The following EBF2 variants were observed in gnomAD, a reference collection of about 807,000 sequenced individuals.
EBF2 encodes the protein transcription factor COE2.
A neutral mutation model predicts 72.8 loss-of-function variants in EBF2; 21 were observed. The observed-to-expected ratio is 0.29, with a 90% confidence interval of 0.20 to 0.42. The LOEUF (loss-of-function observed/expected upper bound fraction) is 0.42, where lower values mean the gene tolerates loss of function less well. EBF2 is among the 10% of genes least tolerant of loss of function. The pLI, the probability that EBF2 is intolerant of heterozygous loss-of-function variation, is 1.00. For missense variants in EBF2, 637 were observed against 731.2 expected (o/e 0.87, Z 1.49); for synonymous variants, 299 against 274.2 (o/e 1.09, Z -0.89).
At chr8:25,945,369 A>C (rs1803749912) in intron 6 of EBF2, among the ~76,000 whole-genome samples, 1 of 152,124 alleles carries the variant, frequency 6.6e-6, no homozygotes, top group Admixed American at 6.5e-5. Flanking sequence ...CTCCGTGGGT[A>C]GCTGGGCTAA....
At chr8:25,998,130 C>T (rs1357374119) in intron 6 of EBF2, among the ~76,000 whole-genome samples, 1 of 152,112 alleles carries the variant, frequency 6.6e-6, no homozygotes, top group African/African-American at 2.4e-5. Context: ...AGGCCTTCTT[C>T]CCCATCCCTC....
chr8:26,011,576 A>G (rs1805022841), intron 6 of EBF2, among the ~76,000 whole-genome samples: 1 of 152,102 alleles, frequency 6.6e-6, no homozygotes, highest in Non-Finnish European at 1.5e-5. Flanking sequence ...TGTCAAAGCC[A>G]GAGAGACATC....
At chr8:25,950,286 T>C (rs888523023) in intron 6 of EBF2, among the ~76,000 whole-genome samples, 1 of 152,236 alleles carries the variant, frequency 6.6e-6, no homozygotes. Flanking sequence ...ACAAGATGGC[T>C]ACCATTACTG....
intron 6 of EBF2, among the ~76,000 whole-genome samples, chr8:25,958,832 C>T (rs908784691): frequency 2.0e-5 from 3 of 152,198 alleles, no homozygotes; most frequent in African/African-American, 7.2e-5. Context: ...CATATGGTGA[C>T]CCAGTAGGTC....
At chr8:25,932,824 A>G (rs1423635272) in intron 6 of EBF2, among the ~76,000 whole-genome samples, 1 of 152,202 alleles carries the variant, frequency 6.6e-6, no homozygotes, top group African/African-American at 2.4e-5. Context: ...TACTGCCAGA[A>G]TCTACTGGCA....
chr8:25,854,238 C>CAAAAAAAA (rs372818134), intron 14 of EBF2, among the ~76,000 whole-genome samples: 1 of 137,450 alleles, frequency 7.3e-6, no homozygotes, highest in African/African-American at 2.6e-5. Flanking sequence ...CCCCCACCTC[C>CAAAAAAAA]AAAAAAAAAA....
chr8:25,975,759 ACT>A (rs1373864325), intron 6 of EBF2, among the ~76,000 whole-genome samples: 1 of 152,138 alleles, frequency 6.6e-6, no homozygotes, highest in African/African-American at 2.4e-5. Context: ...TTCTACAGTA[ACT>A]CTACAGTATC....
chr8:25,850,993 A>G (rs4336620), intron 14 of EBF2, among the ~76,000 whole-genome samples: 73,291 of 151,754 alleles, frequency 0.48, 18,863 homozygotes, highest in African/African-American at 0.65. Flanking sequence ...CCAATGCCCA[A>G]GAGATGCAGA....
chr8:25,871,766 G>T (rs1802442996), intron 10 of EBF2, among the ~76,000 whole-genome samples: 1 of 152,106 alleles, frequency 6.6e-6, no homozygotes, highest in Admixed American at 6.5e-5. Flanking sequence ...TCAATACCTT[G>T]AGATTTCATA....
rs118074654 is a variant in EBF2 at position 25,973,027 on chromosome 8, C to T, written c.551+60058G>A. Among the ~76,000 whole-genome samples, 286 of 152,014 alleles carry T rather than the reference C, an allele frequency of 1.9e-3. 5 individuals carry two copies. The East Asian group carries it at 0.037, about 20-fold the overall frequency. ...TCCTCTGCAGGTTCTACCCTGGGCT[C>T]TAGCTGGACTGCACATTTTTGTATT... On this transcript the variant is annotated intron_variant, in intron 6 of 15. Coordinates refer to ENST00000520164, the MANE Select transcript of EBF2 (RefSeq NM_022659.4).
rs141791065 is a variant in EBF2 at position 25,856,193 on chromosome 8, C to T, written c.1528+2126G>A. ...CTCCATCCTCTTCACTACCACACTA[C>T]ATACTGTATTATAAAATTGATCATT... is the stretch of plus-strand genomic sequence containing the variant. On this transcript the variant is annotated intron_variant, in intron 14 of 15. Coordinates refer to ENST00000520164, the MANE Select transcript of EBF2 (RefSeq NM_022659.4). 8.1e-4 allele frequency among the ~76,000 whole-genome samples: 123 copies of T among 152,232 alleles called. 2 individuals carry two copies. The highest frequency in any genetic ancestry group is 2.9e-3 in the African/African-American group (120 of 41,540).
Position 25,876,871 on chromosome 8 carries a change from G to A in EBF2, c.1009+9884C>T, listed in dbSNP as rs1193648586. 3.3e-5 allele frequency among the ~76,000 whole-genome samples: 5 copies of A among 152,134 alleles called. No homozygotes were observed. In the South Asian group the frequency reaches 6.2e-4, roughly 19 times the overall value. ...ATCACAGATAAAGGTGGTGATACTCGGAGCCTGTAGGACAGAGCCTTGCCT... is the reference window on the plus strand; with the variant it reads ...ATCACAGATAAAGGTGGTGATACTCAGAGCCTGTAGGACAGAGCCTTGCCT... On this transcript the variant is annotated intron_variant, in intron 10 of 15. Transcript: ENST00000520164.
chr8:25,959,458 G>T (rs957252901), intron 6 of EBF2, among the ~76,000 whole-genome samples: 1 of 152,226 alleles, frequency 6.6e-6, no homozygotes, highest in African/African-American at 2.4e-5. Flanking sequence ...ACCTGCCTCA[G>T]CCTCCCAAAG....
chr8:25,901,134 T>A (rs1802945045), intron 7 of EBF2, among the ~76,000 whole-genome samples: 2 of 152,132 alleles, frequency 1.3e-5, no homozygotes, highest in Non-Finnish European at 2.9e-5. Flanking sequence ...AAAAAAAATT[T>A]AGGCTGGGTG....
At chr8:26,018,445 G>A (rs1212629904) in intron 6 of EBF2, among the ~76,000 whole-genome samples, 3 of 138,368 alleles carry the variant, frequency 2.2e-5, no homozygotes, top group Admixed American at 8.1e-5. Context: ...GAGGTCAGGA[G>A]ATCGAGACCA....
intron 6 of EBF2, among the ~76,000 whole-genome samples, chr8:25,927,071 C>T (rs890282552): frequency 1.9e-4 from 29 of 152,246 alleles, no homozygotes; most frequent in African/African-American, 5.8e-4. Context: ...CATCTACAAA[C>T]TGGTTGACTC....
chr8:25,938,656 C>T (rs534678270), intron 6 of EBF2, among the ~76,000 whole-genome samples: 2 of 152,094 alleles, frequency 1.3e-5, no homozygotes, highest in Admixed American at 1.3e-4. Context: ...TTAGGGTGTC[C>T]GTCTTCCGGG....
chr8:25,888,913 G>A (rs1196662832), intron 8 of EBF2, among the ~76,000 whole-genome samples: 1 of 152,072 alleles, frequency 6.6e-6, no homozygotes, highest in Non-Finnish European at 1.5e-5. Flanking sequence ...CTGAACTCTG[G>A]GATTTTCTTC....
chr8:25,910,328 T>C (rs766011146), intron 6 of EBF2, among the ~76,000 whole-genome samples: 6 of 152,182 alleles, frequency 3.9e-5, no homozygotes, highest in Non-Finnish European at 7.3e-5. Context: ...TTCTGAACAA[T>C]AGCCCCCGCT....
Sources: allele counts gnomAD v4.1 joint callset (sites outside exome capture counted in the v4.1 genomes callset), GRCh38; gene constraint gnomAD v4.1.1; transcripts MANE v1.5; gene names NCBI Gene and HGNC (gene_info 2026-07-23, HGNC 2026-07-21).